Variants in RBFOX3 observed in about 807,000 individuals in gnomAD.
RBFOX3 encodes the protein RNA binding protein fox-1 homolog 3.
In RBFOX3, 17 loss-of-function variants were observed where a neutral mutation model predicts 48.7. The ratio of observed to expected loss-of-function variants is 0.35; its 90% confidence interval spans 0.24 to 0.52. The LOEUF (loss-of-function observed/expected upper bound fraction) is 0.52, where lower values mean the gene tolerates loss of function less well. Among genes scored for constraint, RBFOX3 ranks in the 20% least tolerant of loss-of-function variants. The pLI, the probability that RBFOX3 is intolerant of heterozygous loss-of-function variation, is 0.94. For missense variants in RBFOX3, 382 were observed against 497.5 expected, an observed-to-expected ratio of 0.77 and a Z score of 2.21; for synonymous variants, 212 against 209.5, an observed-to-expected ratio of 1.01 and a Z score of -0.10.
At position 79,199,388 on chromosome 17, in the gene RBFOX3, C is replaced by G. The variant is rs1174004362; in HGVS notation, c.-34+36378G>C. 1.3e-5 allele frequency among the ~76,000 whole-genome samples: 2 copies of G among 152,038 alleles called. No individual in the cohort carries two copies. Among genetic ancestry groups the G allele is most frequent in the Non-Finnish European group, 2.9e-5 (2 of 68,016 alleles). On this transcript the variant is annotated intron_variant, in intron 4 of 14. Coordinates refer to ENST00000693108, the MANE Select transcript of RBFOX3 (RefSeq NM_001350451.2). The surrounding 1 kb of genome is among the most constrained non-coding windows in gnomAD (Gnocchi z 5.1). ...TCAGAGGAGGGAGCATTCCCAGGAG[C>G]CTCCAACCCTCTGCCCACCGCCCTA...
intron 2 of RBFOX3, among the ~76,000 whole-genome samples, chr17:79,411,394 C>G (rs2064311410): frequency 2.6e-5 from 4 of 152,128 alleles, no homozygotes; most frequent in Non-Finnish European, 5.9e-5. Context: ...TGTCTCGGAC[C>G]CAGGGCCTCT....
At chr17:79,548,657 G>C (rs1555792727) in intron 1 of RBFOX3, among the ~76,000 whole-genome samples, 1 of 152,214 alleles carries the variant, frequency 6.6e-6, no homozygotes, top group Non-Finnish European at 1.5e-5. Context: ...ATTCCAGCCT[G>C]TCCAGGCAAT....
intron 1 of RBFOX3, among the ~76,000 whole-genome samples, chr17:79,568,396 A>G (rs2092546111): frequency 6.6e-6 from 1 of 152,184 alleles, no homozygotes; most frequent in African/African-American, 2.4e-5. Context: ...TGCTCACTGG[A>G]GCATTTTGGT....
At chr17:79,509,357 C>G (rs2083724496) in intron 1 of RBFOX3, among the ~76,000 whole-genome samples, 1 of 152,212 alleles carries the variant, frequency 6.6e-6, no homozygotes, top group South Asian at 2.1e-4. Context: ...CCTCCCCACA[C>G]CCCCTCCAGC....
chr17:79,214,251 G>A lies in RBFOX3; in HGVS notation c.-34+21515C>T, dbSNP rs978224983. On this transcript the variant is annotated intron_variant, in intron 4 of 14. Transcript: ENST00000693108. The surrounding 1 kb of genome is among the most constrained non-coding windows in gnomAD (Gnocchi z 4.7). ...CGCACGGAGCTATCTCACTTACAACGTGAAAGTGGCTGTGTGTTGGTTGCC... is the reference window on the plus strand; with the variant it reads ...CGCACGGAGCTATCTCACTTACAACATGAAAGTGGCTGTGTGTTGGTTGCC... 2.0e-5 allele frequency among the ~76,000 whole-genome samples: 3 copies of A among 152,152 alleles called. No homozygotes were observed. Among genetic ancestry groups the A allele is most frequent in the South Asian group, 2.1e-4 (1 of 4,818 alleles).
chr17:79,396,890 G>A (rs769564837), intron 2 of RBFOX3, among the ~76,000 whole-genome samples: 11 of 152,254 alleles, frequency 7.2e-5, no homozygotes, highest in Admixed American at 3.3e-4. Context: ...TCACGGGTCC[G>A]TGAAGCCGGG....
chr17:79,188,750 GGC>G (rs1423349810), intron 4 of RBFOX3, among the ~76,000 whole-genome samples: 1 of 151,912 alleles, frequency 6.6e-6, no homozygotes. Flanking sequence ...TTCTGTGGAA[GGC>G]GAGCGAGCTC....
intron 2 of RBFOX3, among the ~76,000 whole-genome samples, chr17:79,412,394 TG>T (rs1402028675): frequency 6.6e-6 from 1 of 151,714 alleles, no homozygotes; most frequent in African/African-American, 2.4e-5. Context: ...GAAGGCATGG[TG>T]GTATGGGTGT....
intron 2 of RBFOX3, among the ~76,000 whole-genome samples, chr17:79,448,264 T>C (rs1555739437): frequency 6.6e-6 from 1 of 152,124 alleles, no homozygotes; most frequent in East Asian, 1.9e-4. Context: ...ACTGAAACCT[T>C]TGGACACTGT....
rs138445237 is a variant in RBFOX3, at chr17:79,186,429, C to T, written c.-34+49337G>A. On this transcript the variant is annotated intron_variant, in intron 4 of 14. Transcript: ENST00000693108. Reference sequence around the variant, plus strand: ...GCAGGCCTGACTCTGCGGACCCCACCGGCAGGAACCATGCCCTCATCACCT... The same window carrying T: ...GCAGGCCTGACTCTGCGGACCCCACTGGCAGGAACCATGCCCTCATCACCT... Among the ~76,000 whole-genome samples the T allele has an allele frequency of 9.2e-5, 14 of 152,334 alleles. No individual in the cohort carries two copies. The East Asian group carries it at 2.1e-3, about 23-fold the overall frequency.
At chr17:79,513,295 C>T (rs924910270) in intron 1 of RBFOX3, among the ~76,000 whole-genome samples, 14 of 152,158 alleles carry the variant, frequency 9.2e-5, no homozygotes, top group Admixed American at 2.6e-4. Context: ...CCATTGGGCA[C>T]GGTCCCATGG....
chr17:79,266,328 C>G (rs2066699730), intron 3 of RBFOX3, among the ~76,000 whole-genome samples: 1 of 152,190 alleles, frequency 6.6e-6, no homozygotes, highest in South Asian at 2.1e-4. Flanking sequence ...GTCCAGGCAC[C>G]TTCTCACCTT....
intron 1 of RBFOX3, among the ~76,000 whole-genome samples, chr17:79,543,835 G>T (rs1197646161): frequency 1.3e-5 from 2 of 151,938 alleles, no homozygotes; most frequent in East Asian, 1.9e-4. Context: ...GACACAGCCA[G>T]GGTGGGCCGA....
intron 2 of RBFOX3, among the ~76,000 whole-genome samples, chr17:79,332,096 G>T (rs981682084): frequency 2.0e-5 from 3 of 152,172 alleles, no homozygotes; most frequent in Non-Finnish European, 4.4e-5. Flanking sequence ...CCACCTACAG[G>T]GTCATCCGAA....
intron 4 of RBFOX3, among the ~76,000 whole-genome samples, chr17:79,188,110 G>C (rs117731074): frequency 1.3e-5 from 2 of 152,208 alleles, no homozygotes; most frequent in Non-Finnish European, 2.9e-5. Flanking sequence ...ATGAGCCGTC[G>C]GTGCAGCCCT....
chr17:79,129,004 G>C (rs1403338077), intron 4 of RBFOX3, among the ~76,000 whole-genome samples: 2 of 152,174 alleles, frequency 1.3e-5, no homozygotes, highest in African/African-American at 4.8e-5. Flanking sequence ...CAGAACCTCA[G>C]CAGTGGAGGG....
intron 4 of RBFOX3, among the ~76,000 whole-genome samples, chr17:79,177,985 C>G (rs2050972898): frequency 6.6e-6 from 1 of 152,204 alleles, no homozygotes; most frequent in Non-Finnish European, 1.5e-5. Flanking sequence ...AGGTCCGAGG[C>G]TGCTGGCTGC....
At chr17:79,225,599 A>G (rs997682750) in intron 4 of RBFOX3, among the ~76,000 whole-genome samples, 2 of 139,758 alleles carry the variant, frequency 1.4e-5, no homozygotes, top group Non-Finnish European at 3.1e-5. Flanking sequence ...CCCCGGATCA[A>G]TTCTGTAAGT....
the RBFOX3 span, among the ~76,000 whole-genome samples, chr17:79,617,447 C>T: frequency 0.014 from 2,057 of 152,190 alleles, 52 homozygotes; most frequent in African/African-American, 0.047. Flanking sequence ...ATGGCTCTCT[C>T]GGGTCACCAG....
Sources: gnomAD v4.1 joint callset for allele counts (sites outside exome capture counted in the v4.1 genomes callset) on GRCh38, gnomAD v4.1.1 for gene constraint, Gnocchi (gnomAD v3.1) non-coding constraint, MANE v1.5 for transcripts, NCBI Gene and HGNC (gene_info 2026-07-23, HGNC 2026-07-21) for gene names.